Variants in ANKRD26 observed in about 807,000 individuals in gnomAD.
The protein encoded by ANKRD26 is ankyrin repeat domain-containing protein 26.
In ANKRD26, 141 loss-of-function variants were observed where a neutral mutation model predicts 208.7. That is an observed-to-expected ratio of 0.68 (90% CI 0.59 to 0.78). The LOEUF is 0.78. Among genes scored for constraint, ANKRD26 ranks in the 30% least tolerant of loss-of-function variants. The pLI is 0.00. For missense variants in ANKRD26, 1,889 were observed against 1,938.7 expected (o/e 0.97, Z 0.48); for synonymous variants, 636 against 660.4 (o/e 0.96, Z 0.57).
chr10:27,017,170 T>G (rs966531298), intron 30 of ANKRD26, among the ~76,000 whole-genome samples: 1 of 152,218 alleles, frequency 6.6e-6, no homozygotes, highest in East Asian at 1.9e-4. Flanking sequence ...TAATTAAAAA[T>G]TTTAAAAAGT....
chr10:27,061,414 T>C (rs2055051323), intron 12 of ANKRD26, among the ~76,000 whole-genome samples, 172 bp from the exon 13 acceptor site: 1 of 152,188 alleles, frequency 6.6e-6, no homozygotes, highest in East Asian at 1.9e-4. Flanking sequence ...CAAGGAATTA[T>C]TAACTGTAAT....
chr10:27,072,537 A>C (rs901892562), intron 9 of ANKRD26, among the ~76,000 whole-genome samples: 1 of 152,118 alleles, frequency 6.6e-6, no homozygotes, highest in South Asian at 2.1e-4. Flanking sequence ...CTTTTGGGAG[A>C]TCCATGGCCC....
intron 15 of ANKRD26, among the ~76,000 whole-genome samples, chr10:27,057,448 T>G (rs568142589): frequency 5.9e-5 from 9 of 152,262 alleles, no homozygotes; most frequent in Non-Finnish European, 1.3e-4. Context: ...ACAAACTTTA[T>G]GTCTAACCAT....
intron 4 of ANKRD26, among the ~76,000 whole-genome samples, chr10:27,090,603 A>T (rs866544312): frequency 5.4e-4 from 82 of 152,254 alleles, no homozygotes; most frequent in African/African-American, 1.9e-3. Flanking sequence ...AAAGGAAGGG[A>T]CAAAAAAGAG....
intron 32 of ANKRD26, among the ~76,000 whole-genome samples, chr10:27,011,756 G>T (rs777325527): frequency 2.6e-5 from 4 of 152,160 alleles, no homozygotes; most frequent in Admixed American, 2.6e-4. Flanking sequence ...ACCCTGTGAA[G>T]CTTAACATGA....
intron 9 of ANKRD26, among the ~76,000 whole-genome samples, chr10:27,071,422 C>G (rs1367290827): frequency 6.6e-6 from 1 of 151,776 alleles, no homozygotes; most frequent in Non-Finnish European, 1.5e-5. Context: ...GATCCGCCCG[C>G]CTCGGCTTGC....
downstream of ANKRD26, among the ~76,000 whole-genome samples, chr10:26,973,105 G>A (rs1435027630): frequency 1.3e-5 from 2 of 152,044 alleles, no homozygotes; most frequent in Admixed American, 1.3e-4. Context: ...ATATATACCT[G>A]TTAAAACAAA....
downstream of ANKRD26, among the ~76,000 whole-genome samples, chr10:26,988,715 T>G (rs1473740235): frequency 6.6e-6 from 1 of 151,910 alleles, no homozygotes; most frequent in Non-Finnish European, 1.5e-5. Context: ...TGTCTAAATA[T>G]TATGCTATTG....
At chr10:27,056,103 C>A (rs2054829068) in intron 15 of ANKRD26, among the ~76,000 whole-genome samples, 1 of 152,120 alleles carries the variant, frequency 6.6e-6, no homozygotes, top group African/African-American at 2.4e-5. Flanking sequence ...AAATGCCCTG[C>A]TAAAAGGTAT....
At chr10:27,010,476 A>G (rs1458212624) in intron 32 of ANKRD26, among the ~76,000 whole-genome samples, 1 of 152,108 alleles carries the variant, frequency 6.6e-6, no homozygotes, top group African/African-American at 2.4e-5. Context: ...ATGCTTAGTA[A>G]GTTACAGAAG....
intron 28 of ANKRD26, 114 bp from the exon 29 acceptor site, chr10:27,022,801 C>T: frequency 1.0e-6 from 1 of 989,406 alleles, no homozygotes; most frequent in Non-Finnish European, 1.5e-6. Flanking sequence ...TCATGATTCT[C>T]TCGTTTATTT....
At chr10:27,088,902 C>T (rs2056206833) in intron 4 of ANKRD26, among the ~76,000 whole-genome samples, 2 of 152,274 alleles carry the variant, frequency 1.3e-5, no homozygotes, top group South Asian at 4.1e-4. Context: ...GATATGGTCT[C>T]CATATAAGGT....
At chr10:27,089,155 C>T (rs2056215850) in intron 4 of ANKRD26, among the ~76,000 whole-genome samples, 1 of 152,192 alleles carries the variant, frequency 6.6e-6, no homozygotes, top group African/African-American at 2.4e-5. Context: ...GACTGCAGGA[C>T]CAGTCTCAGT....
intron 1 of ANKRD26, among the ~76,000 whole-genome samples, chr10:27,099,028 T>C (rs1414425692): frequency 6.6e-6 from 1 of 152,162 alleles, no homozygotes; most frequent in Non-Finnish European, 1.5e-5. Flanking sequence ...TTTGCTCTTG[T>C]TGCCCAGGCT....
chr10:26,954,323 T>A, the ANKRD26 span, among the ~76,000 whole-genome samples: 1 of 152,226 alleles, frequency 6.6e-6, no homozygotes, highest in Non-Finnish European at 1.5e-5. Context: ...CTTTCTCCAG[T>A]GATTTGAAAT....
intron 4 of ANKRD26, among the ~76,000 whole-genome samples, chr10:26,996,690 A>T (rs143050350): frequency 6.6e-6 from 1 of 152,306 alleles, no homozygotes; most frequent in East Asian, 1.9e-4. Flanking sequence ...CTTACTGTCA[A>T]GAAGGATACT....
chr10:26,968,015 A>T, the ANKRD26 span, among the ~76,000 whole-genome samples: 3 of 152,188 alleles, frequency 2.0e-5, no homozygotes, highest in Non-Finnish European at 4.4e-5. Flanking sequence ...TTTGAAGAAT[A>T]GAAATCCAAT....
intron 17 of ANKRD26, 66 bp downstream of exon 17, chr10:27,048,735 T>C (rs2054546508): frequency 6.8e-7 from 1 of 1,476,406 alleles, no homozygotes; most frequent in Non-Finnish European, 9.4e-7. Context: ...TCATGAATAT[T>C]AGTCCAAATT....
downstream of ANKRD26, among the ~76,000 whole-genome samples, chr10:26,971,263 G>A (rs1046065088): frequency 2.6e-5 from 4 of 152,080 alleles, no homozygotes; most frequent in Admixed American, 6.6e-5. Flanking sequence ...TGCACCTCTC[G>A]TCTCAGCTAC....
Sources: allele counts gnomAD v4.1 joint callset (sites outside exome capture counted in the v4.1 genomes callset), GRCh38; gene constraint gnomAD v4.1.1; transcripts MANE v1.5; gene names NCBI Gene and HGNC (gene_info 2026-07-23, HGNC 2026-07-21).